Variants in NIN observed in about 807,000 individuals in gnomAD.
NIN encodes ninein, also known as glycogen synthase kinase 3 beta-interacting protein.
Under a neutral mutation model 257.6 loss-of-function variants are expected in NIN, and 137 were observed. The ratio of observed to expected loss-of-function variants is 0.53; its 90% CI spans 0.46 to 0.61. The LOEUF (loss-of-function observed/expected upper bound fraction) is 0.61, where lower values mean the gene tolerates loss of function less well. Among genes scored for constraint, NIN ranks in the 20% least tolerant of loss-of-function variants. The pLI is 0.00. For missense variants in NIN, 2,439 were observed against 2,501.2 expected (o/e 0.98, Z 0.53); for synonymous variants, 918 against 919.8 (o/e 1.00, Z 0.04).
Position 50,772,469 on chromosome 14 carries a change from C to A in NIN, c.814-1G>T. 5 of 1,613,910 alleles carry A rather than the reference C, an allele frequency of 3.1e-6. No homozygotes were observed. Among genetic ancestry groups the A allele is most frequent in the Non-Finnish European group, 4.2e-6 (5 of 1,179,852 alleles). On this transcript the variant is annotated splice_acceptor_variant, in intron 8 of 30. Transcript: ENST00000530997. LOFTEE classifies it high-confidence loss of function. ...TACGTCGTCCACTCTCATCGAAAGACTGGAAGGAGGAAGAGACTTGAGTAA... is the reference window on the plus strand; with the variant it reads ...TACGTCGTCCACTCTCATCGAAAGAATGGAAGGAGGAAGAGACTTGAGTAA...
chr14:50,814,020 A>T (rs941689097), intron 3 of NIN, among the ~76,000 whole-genome samples: 21 of 152,232 alleles, frequency 1.4e-4, no homozygotes, highest in African/African-American at 4.8e-4. Context: ...AGATACACTT[A>T]TATTTTATTT....
intron 3 of NIN, 130 bp from the exon 4 acceptor site, chr14:50,806,948 C>A: frequency 2.1e-6 from 1 of 478,920 alleles, no homozygotes. Context: ...CAATTTGTTG[C>A]CCTTTTCATT....
rs1026255236 is a variant in NIN, at chr14:50,739,447, T to C, written c.5489A>G (p.His1830Arg). The C allele has an allele frequency of 1.9e-6, 3 of 1,614,130 alleles. No individual in the cohort carries two copies. Among genetic ancestry groups the C allele is most frequent in the African/African-American group, 1.3e-5 (1 of 74,950 alleles). ...PEIATHPSGLHNQQKRLSWDK... is the reference protein window; with the variant it reads ...PEIATHPSGLRNQQKRLSWDK... ...CCAGGACAGCCTTTTCTGCTGGTTATGGAGCCCTGATGGATGAGTAGCTAT... is the reference window on the plus strand; with the variant it reads ...CCAGGACAGCCTTTTCTGCTGGTTACGGAGCCCTGATGGATGAGTAGCTAT... Residue 1830 changes from histidine to arginine, a missense_variant, in exon 26 of 31, where the codon CAT (histidine) becomes CGT (arginine). Coordinates refer to ENST00000530997, the MANE Select transcript of NIN (RefSeq NM_020921.4).
rs908585178 is a variant in NIN at position 50,756,527 on chromosome 14, C to T, written c.4503G>A (p.Thr1501=). The T allele has an allele frequency of 6.8e-6, 11 of 1,611,256 alleles. No individual in the cohort carries two copies. Among genetic ancestry groups the T allele is most frequent in the African/African-American group, 4.0e-5 (3 of 74,812 alleles). ...LKAMMHDLQI[T]CSEMQQKVEL... ...CAACTTTTTGCTGCATCTCACTGCA[C>T]GTGATCTGCAAGTCATGCATCATTG... The change falls in exon 18 of 31, where the codon ACG becomes ACA. Residue 1501 remains threonine, a synonymous_variant. Transcript: ENST00000530997.
chr14:50,744,345 G>C lies in NIN; in HGVS notation c.5085C>G (p.Leu1695=). The change falls in exon 23 of 31, where the codon CTC becomes CTG. Residue 1695 remains leucine (L), a synonymous_variant. Transcript: ENST00000530997. ...KMKQLHRCPD[L]SDFQQKISSV... ...TAGAGATTTTTTGCTGGAAGTCAGA[G>C]AGATCGGGACATCTGTGCAGCTGTA... 1 of 1,614,068 alleles carries C rather than the reference G, an allele frequency of 6.2e-7. No homozygotes were observed.
At position 50,766,299 on chromosome 14, in the gene NIN, C is replaced by T. The variant is rs1419242527; in HGVS notation, c.1635+8G>A. The T allele has an allele frequency of 5.6e-6, 9 of 1,611,488 alleles. No homozygotes were observed. Among genetic ancestry groups the T allele is most frequent in the Non-Finnish European group, 6.8e-6 (8 of 1,177,640 alleles). Reference sequence around the variant, plus strand: ...CCTGCACTTACTCAGTTCTCTTTGTCTACCTACCCTGCACTGCCGCTCATA... The same window carrying T: ...CCTGCACTTACTCAGTTCTCTTTGTTTACCTACCCTGCACTGCCGCTCATA... On this transcript the variant is annotated splice_region_variant and intron_variant, in intron 14 of 30. Transcript: ENST00000530997.
chr14:50,734,093 T>A (rs1168503170), intron 28 of NIN, among the ~76,000 whole-genome samples: 1 of 151,298 alleles, frequency 6.6e-6, no homozygotes, highest in Non-Finnish European at 1.5e-5. Context: ...TTTATTTTTT[T>A]TTTTTTTTCT....
intron 2 of NIN, among the ~76,000 whole-genome samples, chr14:50,827,576 T>C (rs1241993791): frequency 1.7e-5 from 2 of 120,414 alleles, no homozygotes; most frequent in African/African-American, 6.4e-5. Flanking sequence ...TGAAACCCTG[T>C]CTCTACTAAA....
chr14:50,799,545 T>A (rs1194453587), intron 4 of NIN, among the ~76,000 whole-genome samples: 1 of 152,330 alleles, frequency 6.6e-6, no homozygotes, highest in South Asian at 2.1e-4. Flanking sequence ...GCTGCTCTGA[T>A]CTTATTCTTG....
At chr14:50,772,658 G>GT (rs1331288475) in intron 8 of NIN, among the ~76,000 whole-genome samples, 190 bp from the exon 9 acceptor site, 1 of 152,136 alleles carries the variant, frequency 6.6e-6, no homozygotes, top group Non-Finnish European at 1.5e-5. Context: ...AAAACCAACT[G>GT]TTTTGGTAGA....
At chr14:50,753,286 G>A (rs1227613221) in intron 20 of NIN, among the ~76,000 whole-genome samples, 1 of 152,182 alleles carries the variant, frequency 6.6e-6, no homozygotes, top group African/African-American at 2.4e-5. Flanking sequence ...TGTAATCCCA[G>A]CTATTTGGGA....
At position 50,771,376 on chromosome 14, in the gene NIN, G is replaced by A. The variant is rs370894598; in HGVS notation, c.1074C>T (p.His358=). The part of the protein sequence containing the change: ...NELLVTKNSI[H]QAALASFKAE... ...CCTTAAAGCTGGCCAGAGCCGCCTG[G>A]TGAATGCTGTTCTTGGTAACCAAAA... Residue 358 remains histidine, a synonymous_variant, in exon 10 of 31, where the codon CAC becomes CAT. Transcript: ENST00000530997. 84 of 1,614,098 alleles carry A rather than the reference G, an allele frequency of 5.2e-5. No individual in the cohort carries two copies. The highest frequency in any genetic ancestry group is 6.4e-5 in the Non-Finnish European group (76 of 1,180,050).
rs1474419329 is a variant in NIN, at chr14:50,757,599, A to C, written c.3431T>G (p.Leu1144Arg). 6.2e-7 allele frequency: 1 copy of C among 1,614,004 alleles called. No individual in the cohort carries two copies. Among genetic ancestry groups the C allele is most frequent in the East Asian group, 2.2e-5 (1 of 44,896 alleles). Residue 1144 changes from leucine (L) to arginine (R), a missense_variant, in exon 18 of 31, where the codon CTA becomes CGA. This residue lies in a region of NIN where 2,043 missense variants were observed against 2,050.2 expected (regional missense o/e 1.00). Transcript: ENST00000530997. ...GACCTCATCATCTTCCAGGTCACTT[A>C]GGACATGCCGCCTGGTCACACCTTC... ...QVEGVTRRHV[L>R]SDLEDDEVRD... is the part of the protein sequence containing the mutation.
At chr14:50,811,687 C>G (rs1024885839) in intron 3 of NIN, among the ~76,000 whole-genome samples, 5 of 150,838 alleles carry the variant, frequency 3.3e-5, no homozygotes, top group Admixed American at 3.3e-4. Context: ...ATTGCCTGAG[C>G]TCAGGAGTTT....
At chr14:50,730,825 G>T in intron 28 of NIN, 1 of 925,442 alleles carries the variant, frequency 1.1e-6, no homozygotes. Flanking sequence ...CTTTCCTTAA[G>T]TACTTATTAA....
In NIN at chr14:50,759,997, C is replaced by T. The variant is rs773444876; in HGVS notation, c.2259G>A (p.Glu753=). 6 of 1,614,258 alleles carry T rather than the reference C, an allele frequency of 3.7e-6. No homozygotes were observed. The South Asian group carries it at 6.6e-5, about 18-fold the overall frequency. ...GTTCCTGAGTCAAGCCTCTCACCTT[C>T]TCTTCTGTCCAGGCGCTACTCTGAA... The part of the protein sequence containing the change: ...EGLQSSAWTE[E]KVRGLTQELE... The change falls in exon 17 of 31, where the codon GAG becomes GAA. Residue 753 remains glutamate, a synonymous_variant. Transcript: ENST00000530997.
chr14:50,799,225 T>A (rs1346922481), intron 4 of NIN, among the ~76,000 whole-genome samples: 2 of 152,176 alleles, frequency 1.3e-5, no homozygotes, highest in African/African-American at 4.8e-5. Context: ...CCGAACCTCA[T>A]GAAGACTTAG....
At chr14:50,810,762 G>A (rs961861196) in intron 3 of NIN, among the ~76,000 whole-genome samples, 1 of 151,888 alleles carries the variant, frequency 6.6e-6, no homozygotes, top group Non-Finnish European at 1.5e-5. Context: ...CTGGGTTCAC[G>A]CCATTCTCCT....
intron 3 of NIN, among the ~76,000 whole-genome samples, chr14:50,815,589 G>A (rs1056046652): frequency 1.3e-5 from 2 of 152,200 alleles, no homozygotes; most frequent in African/African-American, 2.4e-5. Context: ...ATATATGCAT[G>A]CATATGTTCA....
Sources: gnomAD v4.1 joint callset for allele counts (sites outside exome capture counted in the v4.1 genomes callset) on GRCh38, gnomAD v4.1.1 for gene constraint, gnomAD v4.1.1 regional missense constraint, MANE v1.5 for transcripts, NCBI Gene and HGNC (gene_info 2026-07-23, HGNC 2026-07-21) for gene names.